The following TBXAS1 variants were observed in gnomAD, a reference collection of about 807,000 sequenced individuals.
TBXAS1 encodes thromboxane A synthase 1.
TBXAS1 carries 48 observed loss-of-function variants against 60.7 expected under a neutral mutation model. The observed-to-expected ratio is 0.79, with a 90% CI of 0.63 to 1.01. TBXAS1 has a LOEUF of 1.01. TBXAS1 is among the 50% of genes least tolerant of loss of function. The pLI is 0.00. For synonymous variants in TBXAS1, 287 were observed against 269.7 expected (o/e 1.06, Z -0.63); for missense variants, 685 against 686.3 (o/e 1.00, Z 0.02).
rs140565865 is a variant in TBXAS1 at position 140,014,196 on chromosome 7, A to T, written c.1227-1527A>T. 6.5e-3 allele frequency among the ~76,000 whole-genome samples: 995 copies of T among 152,334 alleles called. 10 individuals carry two copies. Among genetic ancestry groups the T allele is most frequent in the African/African-American group, 0.023 (964 of 41,584 alleles). On this transcript the variant is annotated intron_variant, in intron 10 of 12. Transcript: ENST00000448866. ...AGGAGATGGCAGTAAAACTGGAGAG[A>T]TGGCACCATACGAAAGACCAGTGAT...
At chr7:139,905,001 TTCTCTC>T (rs201883190) in intron 3 of TBXAS1, among the ~76,000 whole-genome samples, 8 of 97,954 alleles carry the variant, frequency 8.2e-5, no homozygotes, top group South Asian at 8.2e-4. Flanking sequence ...CTTTCTCTCT[TTCTCTC>T]TTTCTTTCTT....
intron 9 of TBXAS1, among the ~76,000 whole-genome samples, chr7:140,001,184 T>C (rs1813648609): frequency 1.3e-5 from 2 of 152,238 alleles, no homozygotes; most frequent in South Asian, 4.1e-4. Context: ...CCCCCAGCTC[T>C]AATTCTCAGT....
At chr7:139,850,017 G>A (rs1800099533) in intron 1 of TBXAS1, among the ~76,000 whole-genome samples, 1 of 152,212 alleles carries the variant, frequency 6.6e-6, no homozygotes, top group South Asian at 2.1e-4. Context: ...GAAAAAATTT[G>A]TTTATTTCTT....
intron 1 of TBXAS1, among the ~76,000 whole-genome samples, chr7:139,869,871 C>T (rs1801695971): frequency 6.6e-6 from 1 of 152,142 alleles, no homozygotes; most frequent in Admixed American, 6.5e-5. Context: ...CAGAGGGCAG[C>T]AAGGGGACCC....
intron 4 of TBXAS1, 44 bp downstream of exon 4, chr7:139,911,365 C>A: frequency 6.5e-7 from 1 of 1,526,882 alleles, no homozygotes; most frequent in Non-Finnish European, 9.1e-7. Context: ...GGGAATTGTT[C>A]TCAGATGGAG....
At chr7:139,921,865 G>T (rs74990610) in intron 4 of TBXAS1, among the ~76,000 whole-genome samples, 1 of 152,130 alleles carries the variant, frequency 6.6e-6, no homozygotes, top group Non-Finnish European at 1.5e-5. Flanking sequence ...GCTAGCCCAC[G>T]AGAGTAGGTG....
chr7:139,962,228 A>T lies in TBXAS1; in HGVS notation c.1129A>T (p.Lys377Ter). 3 of 1,614,136 alleles carry T rather than the reference A, an allele frequency of 1.9e-6. No individual in the cohort carries two copies. Among genetic ancestry groups the T allele is most frequent in the Non-Finnish European group, 2.5e-6 (3 of 1,180,034 alleles). ...LLREVDVFKE[K>*]HMAPEFCSLE... Reference sequence around the variant, plus strand: ...GAGAGAGGTAGACGTTTTTAAGGAGAAACACGTGAGTACAAGTTGGATCCA... The same window carrying T: ...GAGAGAGGTAGACGTTTTTAAGGAGTAACACGTGAGTACAAGTTGGATCCA... The change falls in exon 9 of 13, where the codon AAA becomes TAA. Residue 377 changes from lysine to a stop codon, truncating the protein, a stop_gained. Coordinates refer to ENST00000448866, the MANE Select transcript of TBXAS1 (RefSeq NM_001061.7). LOFTEE classifies it high-confidence loss of function.
upstream of TBXAS1, among the ~76,000 whole-genome samples, chr7:139,827,425 ATC>A (rs778836231): frequency 6.6e-6 from 1 of 152,228 alleles, no homozygotes; most frequent in African/African-American, 2.4e-5. Flanking sequence ...GCAGTTCTGT[ATC>A]TTTTAAGTGC....
intron 9 of TBXAS1, among the ~76,000 whole-genome samples, chr7:139,993,055 G>A (rs1307746292): frequency 6.6e-6 from 1 of 152,118 alleles, no homozygotes; most frequent in Non-Finnish European, 1.5e-5. Flanking sequence ...CCATTAGCTG[G>A]GCATGGTAGC....
chr7:139,966,094 G>A (rs952452502), intron 9 of TBXAS1, among the ~76,000 whole-genome samples: 1 of 152,132 alleles, frequency 6.6e-6, no homozygotes, highest in African/African-American at 2.4e-5. Flanking sequence ...AGACTCCGGG[G>A]CTCCAGCCCT....
At chr7:139,842,964 C>A (rs1460713250) in intron 1 of TBXAS1, among the ~76,000 whole-genome samples, 2 of 152,222 alleles carry the variant, frequency 1.3e-5, no homozygotes, top group Non-Finnish European at 2.9e-5. Context: ...ATAGTGGCTT[C>A]CACCAATGCC....
chr7:139,904,979 T>TTCTCTTTCTCTCTTTC (rs1185133331), intron 3 of TBXAS1, among the ~76,000 whole-genome samples: 2 of 138,172 alleles, frequency 1.4e-5, no homozygotes, highest in East Asian at 2.1e-4. Flanking sequence ...CTACCTTTCT[T>TTCTCTTTCTCTCTTTC]TCTCTTTCTC....
intron 10 of TBXAS1, among the ~76,000 whole-genome samples, chr7:140,014,931 G>A (rs904524596): frequency 7.3e-6 from 1 of 136,096 alleles, no homozygotes; most frequent in African/African-American, 2.9e-5. Flanking sequence ...GAAGAAGAAA[G>A]AAGGAGGAGG....
intron 3 of TBXAS1, among the ~76,000 whole-genome samples, chr7:139,887,097 G>T (rs1220421265): frequency 6.6e-6 from 1 of 152,102 alleles, no homozygotes; most frequent in Non-Finnish European, 1.5e-5. Context: ...TAGGAGAAAG[G>T]TTTCATATGA....
chr7:139,829,988 C>T (rs938126704), intron 1 of TBXAS1, among the ~76,000 whole-genome samples: 4 of 152,096 alleles, frequency 2.6e-5, no homozygotes, highest in African/African-American at 9.7e-5. Flanking sequence ...TCTAATTTCT[C>T]ATAGTTGATA....
At chr7:139,943,849 C>T (rs1808480497) in intron 5 of TBXAS1, among the ~76,000 whole-genome samples, 1 of 152,046 alleles carries the variant, frequency 6.6e-6, no homozygotes, top group South Asian at 2.1e-4. Flanking sequence ...CAGTTTAGAG[C>T]ACTTTAAGGC....
intron 9 of TBXAS1, 105 bp from the exon 10 acceptor site, chr7:140,006,986 A>G: frequency 8.9e-7 from 1 of 1,125,348 alleles, no homozygotes; most frequent in Non-Finnish European, 1.4e-6. Context: ...TTCTGTTTAA[A>G]TGTTTGCCAA....
chr7:139,801,078 C>T (rs1188481829), intron 4 of TBXAS1, among the ~76,000 whole-genome samples: 1 of 152,180 alleles, frequency 6.6e-6, no homozygotes, highest in Non-Finnish European at 1.5e-5. Flanking sequence ...ATGACATTAA[C>T]CTTATCAGTT....
At chr7:139,878,108 T>A (rs74212089) in intron 3 of TBXAS1, among the ~76,000 whole-genome samples, 62 of 147,034 alleles carry the variant, frequency 4.2e-4, no homozygotes, top group East Asian at 1.2e-3. Context: ...TGTGTGTGTG[T>A]GAGAGAGAGA....
Sources: gnomAD v4.1 joint callset for allele counts (sites outside exome capture counted in the v4.1 genomes callset) on GRCh38, gnomAD v4.1.1 for gene constraint, MANE v1.5 for transcripts, NCBI Gene and HGNC (gene_info 2026-07-23, HGNC 2026-07-21) for gene names.